The following MAPKAPK5 variants were observed in gnomAD, a reference collection of about 807,000 sequenced individuals.
MAPKAPK5 encodes MAPK activated protein kinase 5.
Under a neutral mutation model 65.1 loss-of-function variants are expected in MAPKAPK5, and 30 were observed. The observed-to-expected ratio is 0.46, with a 90% CI of 0.34 to 0.63. MAPKAPK5 has a LOEUF of 0.63. Among genes scored for constraint, MAPKAPK5 ranks in the 20% least tolerant of loss-of-function variants. MAPKAPK5 has a pLI of 0.01. For missense variants in MAPKAPK5, 433 were observed against 581.4 expected (o/e 0.74, Z 2.63); for synonymous variants, 179 against 204.6 (o/e 0.87, Z 1.07).
chr12:111,869,903 T>C (rs1420157561), intron 5 of MAPKAPK5, among the ~76,000 whole-genome samples: 1 of 152,226 alleles, frequency 6.6e-6, no homozygotes, highest in Non-Finnish European at 1.5e-5. Context: ...CTGTGGGAAC[T>C]GCGCCTGCTG....
chr12:111,865,247 T>C lies in MAPKAPK5; in HGVS notation c.37-3T>C. On this transcript the variant is annotated splice_region_variant and splice_polypyrimidine_tract_variant and intron_variant, in intron 1 of 13. Coordinates refer to ENST00000550735, the MANE Select transcript of MAPKAPK5 (RefSeq NM_003668.4). ...TGTCCTCTCCCTTTTTTTATATTAA[T>C]AGGAAACTTCCATTTTAGAAGAATA... The C allele has an allele frequency of 3.2e-6, 5 of 1,559,162 alleles. No homozygotes were observed. Among genetic ancestry groups the C allele is most frequent in the Non-Finnish European group, 4.4e-6 (5 of 1,146,942 alleles).
chr12:111,880,125 G>C (rs534588865), intron 7 of MAPKAPK5: 1 of 357,052 alleles, frequency 2.8e-6, no homozygotes, highest in Non-Finnish European at 5.4e-6. Context: ...CTGCTGGACA[G>C]ATCTGCTTTC....
At chr12:111,855,963 A>C (rs944616793) in intron 1 of MAPKAPK5, among the ~76,000 whole-genome samples, 1 of 147,504 alleles carries the variant, frequency 6.8e-6, no homozygotes, top group Non-Finnish European at 1.5e-5. Flanking sequence ...TCAAGCGATT[A>C]TCCTGCCTCA....
Position 111,896,483 on chromosome 12 carries a change from T to C in MAPKAPK5, c.*3422T>C, listed in dbSNP as rs1454746203. 1 of 152,194 alleles carries C rather than the reference T, an allele frequency of 6.6e-6. No homozygotes were observed. The highest frequency in any genetic ancestry group is 1.5e-5 in the Non-Finnish European group (1 of 68,032). 9.4% of individuals were successfully genotyped at this position (152,194 alleles called of 1,614,324 possible). On this transcript the variant is annotated 3_prime_UTR_variant, in exon 14 of 14. Transcript: ENST00000550735. ...TTCGAAGTGGAGTTTTGTTTGTGTA[T>C]TCCTAGTCCAGCAGTAAATTCTGCT... is the stretch of plus-strand genomic sequence containing the variant.
chr12:111,873,602 C>A (rs1329863900), intron 7 of MAPKAPK5, among the ~76,000 whole-genome samples: 1 of 152,128 alleles, frequency 6.6e-6, no homozygotes, highest in Admixed American at 6.5e-5. Flanking sequence ...TTCGGCCTCC[C>A]AAAGTGCTGG....
Position 111,870,277 on chromosome 12 carries a change from T to C in MAPKAPK5, c.400T>C (p.Leu134=). ...TCATTGTGTCTTTTTTCAGATAGCT[T>C]TGGCTCTGCGGCACTGTCACTTGTT... The part of the protein sequence containing the change: ...QASQVTKQIA[L]ALRHCHLLNI... Residue 134 remains leucine, a synonymous_variant, in exon 6 of 14, where the codon TTG becomes CTG. Transcript: ENST00000550735. The C allele has an allele frequency of 6.2e-7, 1 of 1,600,384 alleles. No homozygotes were observed. Among genetic ancestry groups the C allele is most frequent in the Non-Finnish European group, 8.6e-7 (1 of 1,168,764 alleles).
chr12:111,853,764 A>T (rs919009727), intron 1 of MAPKAPK5, among the ~76,000 whole-genome samples: 3 of 151,868 alleles, frequency 2.0e-5, no homozygotes, highest in Admixed American at 6.6e-5. Context: ...CGAACTCCTG[A>T]CCTCAGGTGA....
At chr12:111,847,413 G>A (rs77599516) in intron 1 of MAPKAPK5, among the ~76,000 whole-genome samples, 147 of 151,438 alleles carry the variant, frequency 9.7e-4, no homozygotes, top group African/African-American at 3.3e-3. Flanking sequence ...TCTATTCCCT[G>A]TATCTTCTAT....
intron 7 of MAPKAPK5, among the ~76,000 whole-genome samples, chr12:111,878,514 G>A (rs1353532477): frequency 6.6e-6 from 1 of 152,048 alleles, no homozygotes; most frequent in Admixed American, 6.6e-5. Flanking sequence ...CCGCCTCCAG[G>A]GTTCAAGCCA....
At chr12:111,882,445 C>T (rs2070267173) in intron 8 of MAPKAPK5, among the ~76,000 whole-genome samples, 1 of 152,172 alleles carries the variant, frequency 6.6e-6, no homozygotes, top group South Asian at 2.1e-4. Flanking sequence ...CAGAGCACCG[C>T]ACAGCTGTGG....
At chr12:111,867,847 T>C (rs1485589733) in intron 4 of MAPKAPK5, among the ~76,000 whole-genome samples, 178 bp downstream of exon 4, 2 of 152,174 alleles carry the variant, frequency 1.3e-5, no homozygotes, top group Non-Finnish European at 2.9e-5. Flanking sequence ...TGTCAAGCAT[T>C]TGTAAAAGCA....
intron 7 of MAPKAPK5, among the ~76,000 whole-genome samples, chr12:111,873,063 A>AT (rs1035010543): frequency 1.1e-3 from 154 of 144,914 alleles, no homozygotes; most frequent in Admixed American, 1.2e-3. Context: ...CTGTTTCACC[A>AT]TTTTTTTTTT....
chr12:111,848,489 C>T (rs1390410123), intron 1 of MAPKAPK5, among the ~76,000 whole-genome samples: 4 of 150,866 alleles, frequency 2.7e-5, no homozygotes, highest in African/African-American at 9.8e-5. Flanking sequence ...TCTCGGCTCA[C>T]TGCAACCACC....
At chr12:111,867,261 T>C (rs1170633614) in intron 3 of MAPKAPK5, among the ~76,000 whole-genome samples, 1 of 152,194 alleles carries the variant, frequency 6.6e-6, no homozygotes, top group African/African-American at 2.4e-5. Flanking sequence ...GATATGGTAA[T>C]GACATTCTAA....
rs1271755144 is a variant in MAPKAPK5, at chr12:111,899,948, A to T, written c.*6887A>T. 2 of 456,010 alleles carry T rather than the reference A, an allele frequency of 4.4e-6. No individual in the cohort carries two copies. Among genetic ancestry groups the T allele is most frequent in the East Asian group, 6.9e-5 (1 of 14,414 alleles). 28.2% of individuals were successfully genotyped at this position (456,010 alleles called of 1,614,324 possible). On this transcript the variant is annotated 3_prime_UTR_variant, in exon 14 of 14. Coordinates refer to ENST00000550735, the MANE Select transcript of MAPKAPK5 (RefSeq NM_003668.4). The stretch of plus-strand genomic sequence containing the variant: ...TACAGGCACTGTCCTACTTGTGGTC[A>T]CACAAAAAGTACGTGGAGATGTTTG...
chr12:111,853,672 T>A (rs7295727), intron 1 of MAPKAPK5, among the ~76,000 whole-genome samples: 2 of 151,950 alleles, frequency 1.3e-5, no homozygotes, highest in Non-Finnish European at 2.9e-5. Flanking sequence ...GTAGCTGGGA[T>A]GACAGGTGCC....
At chr12:111,857,450 G>A (rs1333271139) in intron 1 of MAPKAPK5, among the ~76,000 whole-genome samples, 3 of 151,970 alleles carry the variant, frequency 2.0e-5, no homozygotes, top group South Asian at 2.1e-4. Context: ...ACGAGGTTTC[G>A]CCATGTTGGC....
chr12:111,843,484 G>A, intron 1 of MAPKAPK5: 2 of 387,030 alleles, frequency 5.2e-6, no homozygotes, highest in Non-Finnish European at 9.1e-6. Flanking sequence ...CCAGTTATCT[G>A]TCTTGACAGC....
chr12:111,854,220 CTTTTCT>C lies in MAPKAPK5; in HGVS notation c.37-11007_37-11002del, dbSNP rs550550879. 7.5e-3 allele frequency among the ~76,000 whole-genome samples: 1,134 copies of C among 150,694 alleles called. 5 individuals carry two copies. Among genetic ancestry groups the C allele is most frequent in the Middle Eastern group, 0.014 (4 of 292 alleles). ...TTACTATGAACATAGTAAAGATTTT[CTTTTCT>C]TTTTCTTTTTCTTTTTCTTTTTTTT... On this transcript the variant is annotated intron_variant, in intron 1 of 13. Coordinates refer to ENST00000550735, the MANE Select transcript of MAPKAPK5 (RefSeq NM_003668.4).
Sources: allele counts gnomAD v4.1 joint callset (sites outside exome capture counted in the v4.1 genomes callset), GRCh38; gene constraint gnomAD v4.1.1; transcripts MANE v1.5; gene names NCBI Gene and HGNC (gene_info 2026-07-23, HGNC 2026-07-21).